The following PHEX variants were observed in gnomAD, a reference collection of about 807,000 sequenced individuals.
PHEX encodes phosphate regulating endopeptidase X-linked.
In PHEX, 16 loss-of-function variants were observed where a neutral mutation model predicts 68.0. That is an observed-to-expected ratio of 0.24 (90% CI 0.16 to 0.36). The LOEUF is 0.36. Ranked by LOEUF, PHEX falls within the 10% of genes least tolerant of loss-of-function variation. The probability of loss-of-function intolerance (pLI) is 1.00; values close to 1 mark genes in which losing one functional copy is unlikely to be tolerated. For synonymous variants in PHEX, 208 were observed against 205.1 expected (o/e 1.01, Z -0.12); for missense variants, 480 against 575.5 (o/e 0.83, Z 1.70).
intron 14 of PHEX, among the ~76,000 whole-genome samples, chrX:22,183,860 T>TA (rs1933952181): frequency 8.9e-6 from 1 of 112,122 alleles, no homozygotes; most frequent in Admixed American, 9.5e-5. Flanking sequence ...TTTAGTTGTG[T>TA]AGAAAGGCCT....
At chrX:22,067,655 G>T (rs886611850) in intron 3 of PHEX, among the ~76,000 whole-genome samples, 3 of 110,811 alleles carry the variant, frequency 2.7e-5, no homozygotes, top group African/African-American at 9.9e-5. Context: ...AAGAAAGACC[G>T]GTGAGTGCTG....
chrX:22,099,301 G>A, intron 9 of PHEX, 150 bp downstream of exon 9: 1 of 537,109 alleles, frequency 1.9e-6, no homozygotes, highest in Admixed American at 2.8e-5. Flanking sequence ...GTGATGAACT[G>A]GCCAAAAGCA....
At chrX:22,136,790 G>GC (rs1932249793) in intron 12 of PHEX, among the ~76,000 whole-genome samples, 1 of 111,901 alleles carries the variant, frequency 8.9e-6, no homozygotes, top group South Asian at 3.7e-4. Flanking sequence ...CACTGTAAAA[G>GC]ATAAATGAGG....
chrX:22,139,311 G>A (rs1932359076), intron 12 of PHEX, among the ~76,000 whole-genome samples: 1 of 111,709 alleles, frequency 9.0e-6, no homozygotes, highest in South Asian at 3.8e-4. Context: ...GACGGTGAGA[G>A]GAGGGATATT....
At chrX:22,118,339 CAAAAAAAAAAAAAAAA>C (rs1157170753) in intron 11 of PHEX, among the ~76,000 whole-genome samples, 1 of 21,111 alleles carries the variant, frequency 4.7e-5, no homozygotes, top group African/African-American at 1.7e-4. Context: ...TAAACAGCAC[CAAAAAAAAAAAAAAAA>C]AAAAAAAAAA....
In PHEX at chrX:22,078,698, G is replaced by A. The variant is rs182941079; in HGVS notation, c.663+996G>A. Reference sequence around the variant, plus strand: ...ATACATATTTTAGGGTTTGCAGGCCGTCTGGTCTCTGTTGCAACTACTTAA... The same window carrying A: ...ATACATATTTTAGGGTTTGCAGGCCATCTGGTCTCTGTTGCAACTACTTAA... On this transcript the variant is annotated intron_variant, in intron 5 of 21. Coordinates refer to ENST00000379374, the MANE Select transcript of PHEX (RefSeq NM_000444.6). Among the ~76,000 whole-genome samples the A allele has an allele frequency of 3.7e-3, 414 of 111,829 alleles. 1 individual carries two copies. The highest frequency in any genetic ancestry group is 6.2e-3 in the Admixed American group (65 of 10,474).
intron 15 of PHEX, among the ~76,000 whole-genome samples, chrX:22,207,069 C>T (rs1043187976): frequency 8.9e-6 from 1 of 111,812 alleles, no homozygotes; most frequent in African/African-American, 3.2e-5. Flanking sequence ...CTTTTATGGT[C>T]AGCATTTTGC....
chrX:22,235,935 T>C (rs1482452392), intron 20 of PHEX, among the ~76,000 whole-genome samples: 5 of 111,143 alleles, frequency 4.5e-5, no homozygotes, highest in African/African-American at 1.3e-4. Flanking sequence ...GCCTACCACA[T>C]TGAAGCCAAA....
intron 3 of PHEX, among the ~76,000 whole-genome samples, chrX:22,073,636 T>TTG (rs1569379658): frequency 3.5e-4 from 19 of 53,763 alleles, no homozygotes; most frequent in African/African-American, 1.6e-3. Flanking sequence ...TGTGCTATAG[T>TTG]TTTTTTTTTT....
At chrX:22,222,420 G>A (rs1935299781) in intron 18 of PHEX, among the ~76,000 whole-genome samples, 1 of 111,808 alleles carries the variant, frequency 8.9e-6, no homozygotes, top group African/African-American at 3.3e-5. Flanking sequence ...ACTTGGGCAA[G>A]TTACTTAATG....
At chrX:22,190,935 G>A (rs956386075) in intron 15 of PHEX, among the ~76,000 whole-genome samples, 3 of 111,719 alleles carry the variant, frequency 2.7e-5, no homozygotes, top group African/African-American at 9.8e-5. Context: ...TCTTATTAAC[G>A]CTAGGAAGTT....
At chrX:22,204,258 C>T (rs923901372) in intron 15 of PHEX, among the ~76,000 whole-genome samples, 2 of 111,261 alleles carry the variant, frequency 1.8e-5, no homozygotes, top group Non-Finnish European at 3.8e-5. Flanking sequence ...AAGATTTGAT[C>T]ACCAGTTTCC....
intron 13 of PHEX, chrX:22,171,774 G>C (rs1402940161): frequency 8.9e-6 from 1 of 112,133 alleles, no homozygotes; most frequent in African/African-American, 3.2e-5. Flanking sequence ...ACTGTTTTCA[G>C]TTTTAAGAAA....
chrX:22,053,738 G>A (rs751480172), intron 3 of PHEX, among the ~76,000 whole-genome samples: 2 of 111,771 alleles, frequency 1.8e-5, no homozygotes, highest in South Asian at 3.7e-4. Flanking sequence ...TCTCTATTAC[G>A]GAATAGCTAT....
chrX:22,216,524 T>TGC (rs1373501237), intron 16 of PHEX, among the ~76,000 whole-genome samples: 6 of 106,554 alleles, frequency 5.6e-5, no homozygotes, highest in Non-Finnish European at 9.6e-5. Flanking sequence ...TATTTATTTA[T>TGC]TTATTTATTT....
chrX:22,157,434 A>G (rs1932986163), intron 12 of PHEX, among the ~76,000 whole-genome samples: 1 of 112,707 alleles, frequency 8.9e-6, no homozygotes, highest in Admixed American at 9.3e-5. Flanking sequence ...TTAATTAATC[A>G]TAAGGTGGCT....
At chrX:22,170,911 A>G (rs1865366054) in intron 13 of PHEX, among the ~76,000 whole-genome samples, 1 of 112,425 alleles carries the variant, frequency 8.9e-6, no homozygotes, top group African/African-American at 3.2e-5. Flanking sequence ...AACTGAAGAC[A>G]TTACACACCA....
At chrX:22,212,147 T>C (rs915581326) in intron 15 of PHEX, among the ~76,000 whole-genome samples, 1 of 112,094 alleles carries the variant, frequency 8.9e-6, no homozygotes, top group African/African-American at 3.2e-5. Context: ...GATTCCTTGG[T>C]CATTCATGTT....
At chrX:22,118,159 T>C (rs1189675872) in intron 11 of PHEX, among the ~76,000 whole-genome samples, 1 of 108,568 alleles carries the variant, frequency 9.2e-6, no homozygotes, top group Non-Finnish European at 1.9e-5. Flanking sequence ...CGTGAGCATC[T>C]GCTTGTTAAA....
Sources: allele counts gnomAD v4.1 joint callset (sites outside exome capture counted in the v4.1 genomes callset), GRCh38; gene constraint gnomAD v4.1.1; transcripts MANE v1.5; gene names NCBI Gene and HGNC (gene_info 2026-07-23, HGNC 2026-07-21).